Variants in ERICH1 observed in about 807,000 individuals in gnomAD.
ERICH1 encodes glutamate-rich protein 1.
ERICH1 carries 56 observed loss-of-function variants against 39.6 expected under a neutral mutation model. That is an observed-to-expected ratio of 1.41 (90% confidence interval 1.14 to 1.77). The LOEUF (loss-of-function observed/expected upper bound fraction) is 1.77. Among genes scored for constraint, ERICH1 ranks in the 40% most tolerant of loss-of-function variants. The pLI, the probability that ERICH1 is intolerant of heterozygous loss-of-function variation, is 0.00. For synonymous variants in ERICH1, 313 were observed against 223.6 expected, an observed-to-expected ratio of 1.40 and a Z score of -3.57; for missense variants, 826 against 575.4, an observed-to-expected ratio of 1.44 and a Z score of -4.45.
At chr8:697,472 C>T (rs1810589363) in intron 2 of ERICH1, among the ~76,000 whole-genome samples, 1 of 152,152 alleles carries the variant, frequency 6.6e-6, no homozygotes, top group South Asian at 2.1e-4. Flanking sequence ...CCAGGGTGCC[C>T]AGAAAGAAGC....
At position 692,543 on chromosome 8, in the gene ERICH1, G is replaced by A. The variant is rs775732252; in HGVS notation, c.239C>T (p.Pro80Leu). Residue 80 changes from proline to leucine, a missense_variant, in exon 3 of 6, where the codon CCC (proline) becomes CTC (leucine). Physicochemically the swap from Pro to Leu is moderately conservative, Grantham distance 98 (BLOSUM62 -3). Transcript: ENST00000262109. Reference sequence around the variant, plus strand: ...ACAGCTGCTGGGCTCCGGCCAACAGGGGACGTAGCCCTCAGGAGGCCCGCT... The same window carrying A: ...ACAGCTGCTGGGCTCCGGCCAACAGAGGACGTAGCCCTCAGGAGGCCCGCT... ...TASGPPEGYV[P>L]CWPEPSSCGS... The A allele has an allele frequency of 6.2e-7, 1 of 1,613,940 alleles. No homozygotes were observed.
intron 2 of ERICH1, among the ~76,000 whole-genome samples, chr8:709,788 G>A (rs568128379): frequency 8.5e-5 from 13 of 152,226 alleles, no homozygotes; most frequent in African/African-American, 3.1e-4. Flanking sequence ...AACTGGCCTG[G>A]AATTTACAGA....
In ERICH1 at chr8:673,434, C is replaced by A. The variant is rs377144371; in HGVS notation, c.918G>T (p.Pro306=). The A allele has an allele frequency of 6.2e-7, 1 of 1,613,450 alleles. No homozygotes were observed. The highest frequency in any genetic ancestry group is 1.1e-5 in the South Asian group (1 of 90,862). Residue 306 remains proline, a synonymous_variant, in exon 4 of 6, where the codon CCG becomes CCT. Transcript: ENST00000262109. ...EDGADASEED[P]TWAGEEEGAD... ...CACCCTCTTCCTCCCCAGCCCATGT[C>A]GGGTCTTCCTCGCTGGCGTCCGCAC...
At chr8:632,774 G>A (rs958950332) in intron 3 of ERICH1, among the ~76,000 whole-genome samples, 1 of 152,162 alleles carries the variant, frequency 6.6e-6, no homozygotes, top group Non-Finnish European at 1.5e-5. Context: ...GTAACATAAC[G>A]CCCAAGTGGG....
chr8:695,485 CCCTCCCTCTCCTCTCCTT>C (rs1563282892), intron 2 of ERICH1, among the ~76,000 whole-genome samples: 6 of 151,918 alleles, frequency 3.9e-5, no homozygotes. Context: ...GCTCCCGCCT[CCCTCCCTCTCCTCTCCTT>C]CCTCCCCATC....
At chr8:675,952 G>A (rs1451258158) in intron 3 of ERICH1, among the ~76,000 whole-genome samples, 1 of 14,382 alleles carries the variant, frequency 7.0e-5, no homozygotes, top group Non-Finnish European at 1.2e-4. Flanking sequence ...GCGGCCCCTC[G>A]TGAGGACAGA....
chr8:652,750 T>C (rs17065207), intron 3 of ERICH1, among the ~76,000 whole-genome samples: 2,761 of 152,180 alleles, frequency 0.018, 91 homozygotes, highest in African/African-American at 0.063. Context: ...AACTGGTTTA[T>C]AAAAACTGTG....
Position 673,692 on chromosome 8 carries a change from C to T in ERICH1, c.660G>A (p.Leu220=), listed in dbSNP as rs765630669. ...GVDTSEEDPT[L]AGEEDVKDTR... ...TATCTTTAACGTCTTCCTCCCCGGCCAGTGTCGGGTCTTCCTCGCTGGTGT... is the reference window on the plus strand; with the variant it reads ...TATCTTTAACGTCTTCCTCCCCGGCTAGTGTCGGGTCTTCCTCGCTGGTGT... The change falls in exon 4 of 6, where the codon CTG becomes CTA. Residue 220 remains leucine (L), a synonymous_variant. Coordinates refer to ENST00000262109, the MANE Select transcript of ERICH1 (RefSeq NM_207332.3). The T allele has an allele frequency of 6.2e-6, 10 of 1,613,728 alleles. No homozygotes were observed. Among genetic ancestry groups the T allele is most frequent in the Non-Finnish European group, 8.5e-6 (10 of 1,179,830 alleles).
intron 3 of ERICH1, among the ~76,000 whole-genome samples, chr8:624,171 T>C (rs1797455506): frequency 6.6e-6 from 1 of 150,872 alleles, no homozygotes; most frequent in South Asian, 2.1e-4. Context: ...ACCAAGAAAA[T>C]GCAAATCGAA....
chr8:695,817 C>A (rs1392389409), intron 2 of ERICH1, among the ~76,000 whole-genome samples: 1 of 146,726 alleles, frequency 6.8e-6, no homozygotes, highest in African/African-American at 2.6e-5. Context: ...CTCCTCTCAC[C>A]CTCCCTTCCT....
intron 1 of ERICH1, among the ~76,000 whole-genome samples, chr8:718,122 T>G (rs542493182): frequency 1.4e-5 from 2 of 138,582 alleles, no homozygotes; most frequent in African/African-American, 5.6e-5. Context: ...ACTGACAAAC[T>G]GCACAACACA....
chr8:718,728 T>G (rs982686528), intron 1 of ERICH1, among the ~76,000 whole-genome samples: 2 of 152,190 alleles, frequency 1.3e-5, no homozygotes, highest in African/African-American at 4.8e-5. Context: ...CCTCACGACC[T>G]GAAAGCCAGG....
intron 3 of ERICH1, among the ~76,000 whole-genome samples, chr8:656,505 C>G (rs1462385962): frequency 6.6e-6 from 1 of 152,224 alleles, no homozygotes; most frequent in Non-Finnish European, 1.5e-5. Flanking sequence ...TCCTGACCTT[C>G]CCCACCTGTG....
At position 664,305 on chromosome 8, in the gene ERICH1, A is replaced by T. The variant is rs1801863370; in HGVS notation, c.*298T>A. On this transcript the variant is annotated 3_prime_UTR_variant, in exon 6 of 6. Coordinates refer to ENST00000262109, the MANE Select transcript of ERICH1 (RefSeq NM_207332.3). ...TAAAAATATATGAGCTTCAAACTAT[A>T]CATTTAACTTAACAGAATGTCCATT... The T allele has an allele frequency of 9.5e-7, 1 of 1,057,062 alleles. No homozygotes were observed. Among genetic ancestry groups the T allele is most frequent in the African/African-American group, 1.7e-5 (1 of 59,912 alleles). The allele number at this position is 1,057,062 out of a possible 1,614,324, so 65.5% of individuals were successfully genotyped here. A position where few individuals can be genotyped will look rare whatever the true frequency, so the allele number is the denominator to read the frequency against.
chr8:671,868 A>G (rs1368989871), intron 4 of ERICH1: 1 of 169,348 alleles, frequency 5.9e-6, no homozygotes, highest in East Asian at 1.9e-4. Context: ...ACTGGGCTCC[A>G]GGCTGCGACC....
chr8:656,264 T>TC (rs1396225855), intron 3 of ERICH1, among the ~76,000 whole-genome samples: 5 of 152,108 alleles, frequency 3.3e-5, no homozygotes, highest in East Asian at 1.9e-4. Context: ...AGCAGCTGGA[T>TC]CCCCCCTGCA....
chr8:719,869 C>A (rs1263036462), intron 1 of ERICH1, among the ~76,000 whole-genome samples: 3 of 152,154 alleles, frequency 2.0e-5, no homozygotes, highest in Non-Finnish European at 4.4e-5. Flanking sequence ...CAGCACTGGC[C>A]ACAGGGTCCA....
At chr8:640,305 G>A (rs1383029699) in intron 3 of ERICH1, among the ~76,000 whole-genome samples, 2 of 152,204 alleles carry the variant, frequency 1.3e-5, no homozygotes, top group African/African-American at 4.8e-5. Flanking sequence ...CCTCTCTGGA[G>A]CTGCTGACAC....
At chr8:728,089 T>C (rs7004688) in intron 1 of ERICH1, among the ~76,000 whole-genome samples, 150,027 of 152,274 alleles carry the variant, frequency 0.99, 73,949 homozygotes, top group Middle Eastern at 1. Flanking sequence ...CTGAGGATCG[T>C]CTCTGCCAAG....
Sources: gnomAD v4.1 joint callset for allele counts (sites outside exome capture counted in the v4.1 genomes callset) on GRCh38, gnomAD v4.1.1 for gene constraint, MANE v1.5 for transcripts, NCBI Gene and HGNC (gene_info 2026-07-23, HGNC 2026-07-21) for gene names.